PPP2R5B: variants seen among roughly 807,000 people sequenced by gnomAD.
PPP2R5B encodes protein phosphatase 2 regulatory subunit B'beta.
In PPP2R5B, 19 loss-of-function variants were observed where a neutral mutation model predicts 59.9. The observed-to-expected ratio is 0.32, with a 90% CI of 0.22 to 0.47. The LOEUF is 0.47. Ranked by LOEUF, PPP2R5B falls within the 20% of genes least tolerant of loss-of-function variation. The probability of loss-of-function intolerance (pLI) is 1.00; values close to 1 mark genes in which losing one functional copy is unlikely to be tolerated. For synonymous variants in PPP2R5B, 286 were observed against 260.5 expected, an observed-to-expected ratio of 1.10 and a Z score of -0.94; for missense variants, 441 against 640.2, an observed-to-expected ratio of 0.69 and a Z score of 3.36.
chr11:64,918,449 C>T (rs1229722688), intron 1 of PPP2R5B: 2 of 151,922 alleles, frequency 1.3e-5, no homozygotes, highest in Non-Finnish European at 2.9e-5. Context: ...CCTCTGCCTC[C>T]TGGGTTCAAA....
Position 64,925,919 on chromosome 11 carries a change from T to C in PPP2R5B, c.185T>C (p.Leu62Pro). The C allele has an allele frequency of 6.2e-7, 1 of 1,611,626 alleles. No individual in the cohort carries two copies. The highest frequency in any genetic ancestry group is 8.5e-7 in the Non-Finnish European group (1 of 1,179,788). Reference protein sequence around the residue: ...YQSNQQELTPLPLLKDVPASE... With the variant: ...YQSNQQELTPPPLLKDVPASE... ...AGCAACCAGCAAGAGCTCACACCGCTGCCCCTGCTCAAAGGTGAGCTGGCT... is the reference window on the plus strand; with the variant it reads ...AGCAACCAGCAAGAGCTCACACCGCCGCCCCTGCTCAAAGGTGAGCTGGCT... Residue 62 changes from leucine (L) to proline (P), a missense_variant, in exon 2 of 14, where the codon CTG (leucine) becomes CCG (proline). By Grantham distance (98) the Leu-to-Pro change is moderately conservative. Coordinates refer to ENST00000164133, the MANE Select transcript of PPP2R5B (RefSeq NM_006244.4). The surrounding 1 kb of genome is among the most constrained non-coding windows in gnomAD (Gnocchi z 4.6).
At chr11:64,918,385 ACTCT>A (rs148953247) in intron 1 of PPP2R5B, 1 of 151,940 alleles carries the variant, frequency 6.6e-6, no homozygotes, top group Non-Finnish European at 1.5e-5. Context: ...TTTGAGACAG[ACTCT>A]CTCTGTCACC....
chr11:64,930,180 T>G, intron 6 of PPP2R5B, 142 bp from the exon 7 acceptor site: 6 of 874,864 alleles, frequency 6.9e-6, no homozygotes, highest in Non-Finnish European at 1.1e-5. Context: ...TGGTTTGGGA[T>G]GTTGGGAAGG....
upstream of PPP2R5B, among the ~76,000 whole-genome samples, chr11:64,923,907 C>T (rs1172461445): frequency 2.0e-5 from 3 of 152,058 alleles, no homozygotes; most frequent in Non-Finnish European, 2.9e-5. Context: ...GTTAGCATGC[C>T]AAACTCCTGG....
In PPP2R5B at chr11:64,931,521, C is replaced by T. The variant is rs1590680096; in HGVS notation, c.945+32C>T. ...ACCTCTGGGGGCTAAGGCAGCCTCT[C>T]ACCTCTGCAGGCGTGACTCCTGTCT... is the stretch of plus-strand genomic sequence containing the variant. On this transcript the variant is annotated intron_variant, in intron 9 of 13. Coordinates refer to ENST00000164133, the MANE Select transcript of PPP2R5B (RefSeq NM_006244.4). This position sits in a 1 kb window ranked among gnomAD's most constrained non-coding sequence, Gnocchi z 5.0. 1.2e-6 allele frequency: 2 copies of T among 1,614,110 alleles called. No individual in the cohort carries two copies. The highest frequency in any genetic ancestry group is 1.7e-6 in the Non-Finnish European group (2 of 1,179,978).
At chr11:64,929,811 C>A (rs547641846) in intron 6 of PPP2R5B, among the ~76,000 whole-genome samples, 1 of 152,300 alleles carries the variant, frequency 6.6e-6, no homozygotes, top group East Asian at 1.9e-4. Context: ...GCAAAGCACT[C>A]AGCATAGCTC....
chr11:64,933,088 G>A, intron 12 of PPP2R5B, 57 bp from the exon 13 acceptor site: 1 of 1,524,060 alleles, frequency 6.6e-7, no homozygotes, highest in Non-Finnish European at 9.1e-7. Flanking sequence ...CAGGGAAAGG[G>A]AGAGGTGGGC....
Position 64,932,782 on chromosome 11 carries a change from G to A in PPP2R5B, c.1134G>A (p.Leu378=), listed in dbSNP as rs2136690757. The A allele has an allele frequency of 1.2e-6, 2 of 1,613,946 alleles. No homozygotes were observed. The highest frequency in any genetic ancestry group is 1.6e-4 in the Middle Eastern group (1 of 6,062). ...TGCCCCAGGTTGCAGAGCGGGCTCT[G>A]TATTTCTGGAACAATGAGTATATCC... is the stretch of plus-strand genomic sequence containing the variant. The part of the protein sequence containing the change: ...SPHFQVAERA[L]YFWNNEYILS... Residue 378 remains leucine (L), a synonymous_variant, in exon 12 of 14, where the codon CTG becomes CTA. Transcript: ENST00000164133.
At chr11:64,933,042 G>C in intron 12 of PPP2R5B, 103 bp from the exon 13 acceptor site, 2 of 1,491,942 alleles carry the variant, frequency 1.3e-6, no homozygotes, top group Admixed American at 3.4e-5. Context: ...AAAGTGGGCA[G>C]TGCTTGTGTT....
intron 6 of PPP2R5B, among the ~76,000 whole-genome samples, 179 bp from the exon 7 acceptor site, chr11:64,930,143 T>TG (rs1371462776): frequency 4.9e-5 from 7 of 143,912 alleles, no homozygotes; most frequent in East Asian, 2.1e-4. Flanking sequence ...CATTTCAGTG[T>TG]GGGGGGGCGG....
At chr11:64,930,218 T>C in intron 6 of PPP2R5B, 104 bp from the exon 7 acceptor site, 9 of 1,295,944 alleles carry the variant, frequency 6.9e-6, no homozygotes, top group Non-Finnish European at 1.0e-5. Flanking sequence ...TGGGGGAGAG[T>C]TGGATGAGCG....
upstream of PPP2R5B, among the ~76,000 whole-genome samples, chr11:64,920,145 A>G (rs1415045336): frequency 6.6e-6 from 1 of 152,110 alleles, no homozygotes; most frequent in Non-Finnish European, 1.5e-5. Flanking sequence ...AAGAAAAAAC[A>G]CCACTTCTCC....
chr11:64,933,094 T>C, intron 12 of PPP2R5B, 51 bp from the exon 13 acceptor site: 1 of 1,533,700 alleles, frequency 6.5e-7, no homozygotes, highest in Non-Finnish European at 9.0e-7. Context: ...AAGGGAGAGG[T>C]GGGCAAACCA....
chr11:64,920,088 G>C (rs1174042528), upstream of PPP2R5B, among the ~76,000 whole-genome samples: 6 of 152,096 alleles, frequency 3.9e-5, no homozygotes, highest in African/African-American at 1.2e-4. Flanking sequence ...ACTCCAGCCT[G>C]GGTGACAGAG....
chr11:64,930,289 T>A, intron 6 of PPP2R5B, 33 bp from the exon 7 acceptor site: 3 of 1,612,886 alleles, frequency 1.9e-6, no homozygotes, highest in Non-Finnish European at 2.5e-6. Context: ...CTACCCTGCT[T>A]GCTTTGAGCC....
At chr11:64,920,496 AGTAGGAGCT>A (rs1345145993), upstream of PPP2R5B, among the ~76,000 whole-genome samples, 2 of 152,160 alleles carry the variant, frequency 1.3e-5, no homozygotes, top group Admixed American at 1.3e-4. Context: ...CTAGCCTCGG[AGTAGGAGCT>A]AAAGGAGTGA....
Position 64,925,821 on chromosome 11 carries a change from C to T in PPP2R5B, c.87C>T (p.Asp29=), listed in dbSNP as rs748978551. Residue 29 remains aspartate (D), a synonymous_variant, in exon 2 of 14, where the codon GAC becomes GAT. Transcript: ENST00000164133. This position sits in a 1 kb window ranked among gnomAD's most constrained non-coding sequence, Gnocchi z 4.6. Reference sequence around the variant, plus strand: ...CTGTGCCCCCACCCGACAAGGTGGACGGCTTCTCCCGCCGTTCCCTCCGCA... The same window carrying T: ...CTGTGCCCCCACCCGACAAGGTGGATGGCTTCTCCCGCCGTTCCCTCCGCA... ...LSPVPPPDKV[D]GFSRRSLRRA... The T allele has an allele frequency of 1.9e-5, 31 of 1,605,180 alleles. No individual in the cohort carries two copies. In the Admixed American group the frequency reaches 2.3e-4, roughly 12 times the overall value.
intron 11 of PPP2R5B, 27 bp from the exon 12 acceptor site, chr11:64,932,738 A>G (rs1565106558): frequency 1.9e-6 from 3 of 1,610,586 alleles, no homozygotes; most frequent in African/African-American, 1.3e-5. Flanking sequence ...CTGCCAGTTA[A>G]TCACTCTGCC....
intron 13 of PPP2R5B, 89 bp from the exon 14 acceptor site, chr11:64,933,608 T>G: frequency 7.0e-7 from 1 of 1,435,302 alleles, no homozygotes; most frequent in Non-Finnish European, 9.2e-7. Flanking sequence ...CCTTTGCCGG[T>G]GGGGTGGTAG....
Sources: gnomAD v4.1 joint callset for allele counts (sites outside exome capture counted in the v4.1 genomes callset) on GRCh38, gnomAD v4.1.1 for gene constraint, Gnocchi (gnomAD v3.1) non-coding constraint, MANE v1.5 for transcripts, NCBI Gene and HGNC (gene_info 2026-07-23, HGNC 2026-07-21) for gene names.